CFAP43: variants seen among roughly 807,000 people sequenced by gnomAD.
CFAP43 encodes the protein cilia- and flagella-associated protein 43.
Under a neutral mutation model 218.9 loss-of-function variants are expected in CFAP43, and 155 were observed. That is an observed-to-expected ratio of 0.71 (90% confidence interval 0.62 to 0.81). The LOEUF is 0.81. Among genes scored for constraint, CFAP43 ranks in the 30% least tolerant of loss-of-function variants. The pLI is 0.00. For missense variants in CFAP43, 1,778 were observed against 1,954.3 expected (o/e 0.91, Z 1.70); for synonymous variants, 645 against 681.3 (o/e 0.95, Z 0.83).
At chr10:104,153,054 C>T (rs1265207463) in intron 27 of CFAP43, among the ~76,000 whole-genome samples, 1 of 152,184 alleles carries the variant, frequency 6.6e-6, no homozygotes, top group African/African-American at 2.4e-5. Context: ...GGACAGCAAT[C>T]TCCAGACACA....
intron 3 of CFAP43, among the ~76,000 whole-genome samples, chr10:104,216,535 T>C (rs1051085894): frequency 3.3e-5 from 5 of 152,168 alleles, no homozygotes; most frequent in African/African-American, 1.2e-4. Flanking sequence ...CTGGGGCTCC[T>C]GGGGACAATC....
At chr10:104,145,189 A>G (rs1003888449) in intron 31 of CFAP43, among the ~76,000 whole-genome samples, 2 of 152,226 alleles carry the variant, frequency 1.3e-5, no homozygotes, top group East Asian at 1.9e-4. Context: ...TCTATGATGT[A>G]AGAGGAACTT....
At chr10:104,185,315 C>T (rs1249312861) in intron 15 of CFAP43, among the ~76,000 whole-genome samples, 169 bp from the exon 16 acceptor site, 11 of 152,048 alleles carry the variant, frequency 7.2e-5, no homozygotes, top group Non-Finnish European at 1.5e-5. Context: ...TTTAAAATCC[C>T]CAGTTCAAAC....
At chr10:104,217,312 T>C (rs535903680) in intron 3 of CFAP43, among the ~76,000 whole-genome samples, 40 of 152,150 alleles carry the variant, frequency 2.6e-4, no homozygotes, top group Middle Eastern at 3.4e-3. Flanking sequence ...CCTTGCATTT[T>C]TTTCTTTCTT....
intron 10 of CFAP43, among the ~76,000 whole-genome samples, chr10:104,196,489 A>C (rs947645619): frequency 1.3e-5 from 2 of 152,194 alleles, no homozygotes; most frequent in African/African-American, 4.8e-5. Context: ...CACACAGCAC[A>C]GAGGAAGTAT....
chr10:104,207,699 A>G lies in CFAP43; in HGVS notation c.861T>C (p.Thr287=). 1 of 1,614,116 alleles carries G rather than the reference A, an allele frequency of 6.2e-7. No individual in the cohort carries two copies. Among genetic ancestry groups the G allele is most frequent in the South Asian group, 1.1e-5 (1 of 91,064 alleles). Reference sequence around the variant, plus strand: ...ATTCCTCTTCTATCTTATTAAGTACAGTCACTTGCAAGGTGTCTCCATTAA... The same window carrying G: ...ATTCCTCTTCTATCTTATTAAGTACGGTCACTTGCAAGGTGTCTCCATTAA... ...LMINGDTLQV[T]VLNKIEEESP... The change falls in exon 6 of 38, where the codon ACT becomes ACC. Residue 287 remains threonine, a synonymous_variant. Coordinates refer to ENST00000357060, the MANE Select transcript of CFAP43 (RefSeq NM_025145.7).
intron 5 of CFAP43, 146 bp from the exon 6 acceptor site, chr10:104,207,970 A>G: frequency 1.4e-6 from 1 of 724,630 alleles, no homozygotes; most frequent in East Asian, 3.0e-5. Context: ...TCATCATAAT[A>G]ATTTTTTTTA....
At position 104,187,459 on chromosome 10, in the gene CFAP43, A is replaced by G; in HGVS notation, c.1721T>C (p.Leu574Pro). 1 of 1,595,418 alleles carries G rather than the reference A, an allele frequency of 6.3e-7. No individual in the cohort carries two copies. Among genetic ancestry groups the G allele is most frequent in the Non-Finnish European group, 8.5e-7 (1 of 1,172,380 alleles). Reference protein sequence around the residue: ...STTFADERGRLKDEIIHKYLY... With the variant: ...STTFADERGRPKDEIIHKYLY... Reference sequence around the variant, plus strand: ...GTACTTATGAATGATTTCATCTTTCAGCCTTCCTCTTTCATCAGCAAAGGT... The same window carrying G: ...GTACTTATGAATGATTTCATCTTTCGGCCTTCCTCTTTCATCAGCAAAGGT... The change falls in exon 14 of 38, where the codon CTG becomes CCG. Residue 574 changes from leucine to proline, a missense_variant. Coordinates refer to ENST00000357060, the MANE Select transcript of CFAP43 (RefSeq NM_025145.7).
At chr10:104,209,976 T>C (rs552842220) in intron 5 of CFAP43, among the ~76,000 whole-genome samples, 2 of 152,218 alleles carry the variant, frequency 1.3e-5, no homozygotes, top group South Asian at 4.1e-4. Flanking sequence ...ATTTTTTCTT[T>C]ATTTTTAATT....
chr10:104,224,918 T>C (rs1343018361), intron 3 of CFAP43, among the ~76,000 whole-genome samples: 2 of 152,208 alleles, frequency 1.3e-5, no homozygotes, highest in Admixed American at 6.5e-5. Flanking sequence ...AAGGGGCTTA[T>C]ATCATGGATA....
At position 104,212,144 on chromosome 10, in the gene CFAP43, G is replaced by T. The variant is rs1448456503; in HGVS notation, c.598C>A (p.Pro200Thr). 2 of 1,613,598 alleles carry T rather than the reference G, an allele frequency of 1.2e-6. No individual in the cohort carries two copies. The highest frequency in any genetic ancestry group is 1.7e-6 in the Non-Finnish European group (2 of 1,179,798). Reference protein sequence around the residue: ...HCFRARSVKLPLEDGSFFNET... With the variant: ...HCFRARSVKLTLEDGSFFNET... ...TTAAAAAATGACCCATCTTCTAGAGGTAATTTCACCGACCTGTAGACAAAA... is the reference window on the plus strand; with the variant it reads ...TTAAAAAATGACCCATCTTCTAGAGTTAATTTCACCGACCTGTAGACAAAA... Residue 200 changes from proline (P) to threonine (T), a missense_variant, in exon 5 of 38, where the codon CCT becomes ACT. Around this residue, in one of 3 missense-constraint regions of CFAP43, gnomAD observed 1,553 missense variants for 1,685.2 expected, o/e 0.92. Coordinates refer to ENST00000357060, the MANE Select transcript of CFAP43 (RefSeq NM_025145.7).
intron 14 of CFAP43, among the ~76,000 whole-genome samples, chr10:104,186,679 G>A (rs2090042143): frequency 6.6e-6 from 1 of 152,022 alleles, no homozygotes; most frequent in African/African-American, 2.4e-5. Flanking sequence ...AACTTTTCTT[G>A]AATCTCTCTT....
In CFAP43 at chr10:104,167,275, A is replaced by G. The variant is rs534580415; in HGVS notation, c.2808+346T>C. Among the ~76,000 whole-genome samples, 34 of 152,302 alleles carry G rather than the reference A, an allele frequency of 2.2e-4. No homozygotes were observed. The South Asian group carries it at 6.6e-3, about 30-fold the overall frequency. On this transcript the variant is annotated intron_variant, in intron 22 of 37. Coordinates refer to ENST00000357060, the MANE Select transcript of CFAP43 (RefSeq NM_025145.7). ...ACAAATTCTACTTCATCCTTGATCA[A>G]TTATCTTAAAATACAATCCCTAGTG...
At chr10:104,218,859 G>C (rs1490256733) in intron 3 of CFAP43, 2 of 513,942 alleles carry the variant, frequency 3.9e-6, no homozygotes, top group Non-Finnish European at 8.0e-6. Flanking sequence ...AGAGATGAGA[G>C]AAACACCCTA....
intron 7 of CFAP43, 71 bp from the exon 8 acceptor site, chr10:104,203,874 A>G: frequency 7.3e-7 from 1 of 1,367,212 alleles, no homozygotes; most frequent in Non-Finnish European, 9.7e-7. Flanking sequence ...TCATCAGACA[A>G]GCTAAGGCTT....
intron 5 of CFAP43, among the ~76,000 whole-genome samples, chr10:104,211,259 C>T (rs547944683): frequency 2.0e-5 from 3 of 152,070 alleles, no homozygotes; most frequent in South Asian, 2.1e-4. Context: ...TACAAAAGAA[C>T]AATACTCTTT....
At chr10:104,193,797 A>T in intron 11 of CFAP43, 69 bp downstream of exon 11, 2 of 1,531,588 alleles carry the variant, frequency 1.3e-6, no homozygotes. Context: ...AAAAGAAAGG[A>T]TGGCTTCACT....
intron 12 of CFAP43, among the ~76,000 whole-genome samples, chr10:104,189,821 A>G (rs1338378490): frequency 1.3e-5 from 2 of 152,148 alleles, no homozygotes; most frequent in Non-Finnish European, 2.9e-5. Context: ...TGAGCAACAT[A>G]GAGAGACATT....
chr10:104,178,437 G>A (rs1465347325), intron 19 of CFAP43, among the ~76,000 whole-genome samples: 1 of 152,132 alleles, frequency 6.6e-6, no homozygotes, highest in African/African-American at 2.4e-5. Flanking sequence ...ATACCATGTG[G>A]CTCAGCATTG....
Sources: allele counts gnomAD v4.1 joint callset (sites outside exome capture counted in the v4.1 genomes callset), GRCh38; gene constraint gnomAD v4.1.1; regional missense constraint gnomAD v4.1.1; transcripts MANE v1.5; gene names NCBI Gene and HGNC (gene_info 2026-07-23, HGNC 2026-07-21).